Variants in ZNG1E observed in about 807,000 individuals in gnomAD.
ZNG1E encodes the protein Zn regulated GTPase metalloprotein activator 1E, also known as zinc-regulated GTPase metalloprotein activator 1E.
the ZNG1E span, among the ~76,000 whole-genome samples, chr9:65,716,440 A>G: frequency 3.3e-5 from 5 of 151,502 alleles, no homozygotes; most frequent in East Asian, 9.6e-4. Flanking sequence ...TTACATGTGT[A>G]GGCCACCACA....
chr9:65,685,217 G>A, the ZNG1E span, among the ~76,000 whole-genome samples: 58 of 152,358 alleles, frequency 3.8e-4, no homozygotes, highest in African/African-American at 1.4e-3. Flanking sequence ...CTGGTAGAGG[G>A]TCTTGTCACA....
the ZNG1E span, among the ~76,000 whole-genome samples, chr9:65,666,223 A>G: frequency 4.0e-5 from 6 of 150,584 alleles, 1 homozygote; most frequent in African/African-American, 1.5e-4. Context: ...ATTCCCATGT[A>G]TTGTGGGAGG....
chr9:65,732,784 A>C, the ZNG1E span: 1 of 958,068 alleles, frequency 1.0e-6, no homozygotes, highest in Non-Finnish European at 1.5e-6. Context: ...CAAAAAAAAA[A>C]CAATACACAG....
At chr9:65,660,842 TA>T in the ZNG1E span, among the ~76,000 whole-genome samples, 2 of 138,092 alleles carry the variant, frequency 1.4e-5, no homozygotes, top group African/African-American at 5.3e-5. Context: ...TATATATATA[TA>T]TATATATATA....
the ZNG1E span, among the ~76,000 whole-genome samples, chr9:65,674,977 C>T: frequency 6.9e-6 from 1 of 145,892 alleles, no homozygotes; most frequent in East Asian, 2.1e-4. Flanking sequence ...AAAAATATAG[C>T]AAGCCTCAGG....
chr9:65,666,877 A>G, the ZNG1E span, among the ~76,000 whole-genome samples: 2 of 152,238 alleles, frequency 1.3e-5, no homozygotes, highest in Non-Finnish European at 2.9e-5. Context: ...CTGGAATGCA[A>G]TGGCACGATC....
the ZNG1E span, among the ~76,000 whole-genome samples, chr9:65,657,473 A>G: frequency 1.3e-5 from 2 of 152,286 alleles, no homozygotes; most frequent in Non-Finnish European, 2.9e-5. Context: ...CAGGCCCAAA[A>G]AAACAAATTT....
the ZNG1E span, among the ~76,000 whole-genome samples, chr9:65,685,043 T>TAAAAAAA: frequency 6.8e-3 from 735 of 107,658 alleles, 1 homozygote; most frequent in Middle Eastern, 0.016. Flanking sequence ...CCCCATTTCT[T>TAAAAAAA]AAAAAAAAAA....
the ZNG1E span, among the ~76,000 whole-genome samples, chr9:65,656,307 T>TA: frequency 6.9e-6 from 1 of 143,984 alleles, no homozygotes; most frequent in South Asian, 2.3e-4. Context: ...ATTATTTTTT[T>TA]AAGGCAGAAA....
the ZNG1E span, among the ~76,000 whole-genome samples, chr9:65,664,508 C>T: frequency 1.7e-4 from 14 of 81,058 alleles, no homozygotes; most frequent in South Asian, 5.8e-4. Flanking sequence ...GTGAGGCCTC[C>T]CCAGCCATGT....
At chr9:65,668,527 G>C in the ZNG1E span, among the ~76,000 whole-genome samples, 1 of 150,812 alleles carries the variant, frequency 6.6e-6, no homozygotes, top group Non-Finnish European at 1.5e-5. Context: ...ATATATATGT[G>C]TGTGTATATA....
the ZNG1E span, among the ~76,000 whole-genome samples, chr9:65,672,190 A>G: frequency 2.0e-5 from 3 of 150,838 alleles, no homozygotes; most frequent in African/African-American, 7.3e-5. Flanking sequence ...TTTACCTTGG[A>G]GAGTTAAATG....
chr9:65,679,621 C>G, the ZNG1E span: 18 of 305,872 alleles, frequency 5.9e-5, no homozygotes, highest in Non-Finnish European at 1.0e-4. Context: ...GTGGTGCAAT[C>G]TCAGCTCACT....
At chr9:65,664,181 A>G in the ZNG1E span, among the ~76,000 whole-genome samples, 1 of 151,978 alleles carries the variant, frequency 6.6e-6, no homozygotes, top group Non-Finnish European at 1.5e-5. Flanking sequence ...TCTTTCTGTT[A>G]TAATTTTCTG....
chr9:65,720,176 AT>A, the ZNG1E span: 1 of 1,391,120 alleles, frequency 7.2e-7, no homozygotes, highest in Non-Finnish European at 9.7e-7. Flanking sequence ...GTTTAGGACT[AT>A]TTTATTATAA....
At chr9:65,678,607 TC>T in the ZNG1E span, among the ~76,000 whole-genome samples, 3 of 145,676 alleles carry the variant, frequency 2.1e-5, no homozygotes, top group Non-Finnish European at 4.5e-5. Flanking sequence ...GTTAGGATTT[TC>T]TTTTTTTCCT....
chr9:65,694,182 C>T, the ZNG1E span, among the ~76,000 whole-genome samples: 1,432 of 150,734 alleles, frequency 9.5e-3, 28 homozygotes, highest in South Asian at 0.049. Flanking sequence ...AGCAAAAAAG[C>T]CCCAAATTAT....
chr9:65,721,691 G>A, the ZNG1E span, among the ~76,000 whole-genome samples: 15 of 150,628 alleles, frequency 1.0e-4, no homozygotes, highest in African/African-American at 3.2e-4. Context: ...ATTGCCCTTG[G>A]TGTAGTGTAT....
the ZNG1E span, among the ~76,000 whole-genome samples, chr9:65,678,198 C>G: frequency 6.8e-6 from 1 of 147,592 alleles, no homozygotes; most frequent in East Asian, 2.0e-4. Flanking sequence ...CATCACTGCC[C>G]TGTGAAACAC....
Sources: allele counts gnomAD v4.1 joint callset (sites outside exome capture counted in the v4.1 genomes callset), GRCh38; gene constraint gnomAD v4.1.1; transcripts MANE v1.5; gene names NCBI Gene and HGNC (gene_info 2026-07-23, HGNC 2026-07-21).